Variants in PKP4 observed in about 807,000 individuals in gnomAD.
The protein encoded by PKP4 is plakophilin 4, also known as plakophilin-4.
PKP4 carries 90 observed loss-of-function variants against 145.1 expected under a neutral mutation model. The observed-to-expected ratio is 0.62, with a 90% CI of 0.52 to 0.74. PKP4 has a LOEUF of 0.74. Ranked by LOEUF, PKP4 falls within the 30% of genes least tolerant of loss-of-function variation. The pLI, the probability that PKP4 is intolerant of heterozygous loss-of-function variation, is 0.00. For synonymous variants in PKP4, 563 were observed against 577.2 expected (o/e 0.98, Z 0.35); for missense variants, 1,340 against 1,482.7 (o/e 0.90, Z 1.58).
chr2:158,574,255 T>C (rs1313103424), intron 2 of PKP4, among the ~76,000 whole-genome samples: 1 of 152,198 alleles, frequency 6.6e-6, no homozygotes, highest in Non-Finnish European at 1.5e-5. Context: ...ACTAAATCAC[T>C]GACAAGTGCT....
chr2:158,596,627 T>TA (rs3836166), intron 3 of PKP4, among the ~76,000 whole-genome samples: 69,417 of 145,304 alleles, frequency 0.48, 16,834 homozygotes, highest in South Asian at 0.67. Flanking sequence ...CTTGTCTCTT[T>TA]AAAAAAAAAA....
Position 158,674,106 on chromosome 2 carries a change from CACTA to C in PKP4, c.3127+107_3127+110del. On this transcript the variant is annotated intron_variant, in intron 19 of 21. Transcript: ENST00000389759. ...AGCTGGTTAAGCCTGTCATCTCCAACACTACCCATGCAGCAGAGAACCTTCTGTA... is the reference window on the plus strand; with the variant it reads ...AGCTGGTTAAGCCTGTCATCTCCAACCCCATGCAGCAGAGAACCTTCTGTA... The C allele has an allele frequency of 3.9e-6, 3 of 772,606 alleles. 1 individual carries two copies. In the Middle Eastern group the frequency reaches 6.9e-4, roughly 177 times the overall value. The allele number at this position is 772,606 out of a possible 1,614,324, so 47.9% of individuals were successfully genotyped here. A position where few individuals can be genotyped will look rare whatever the true frequency, so the allele number is the denominator to read the frequency against.
chr2:158,486,457 A>G lies in PKP4; in HGVS notation c.-6+29239A>G, dbSNP rs140233347. Among the ~76,000 whole-genome samples, 735 of 152,310 alleles carry G rather than the reference A, an allele frequency of 4.8e-3. 1 individual carries two copies. Among genetic ancestry groups the G allele is most frequent in the African/African-American group, 0.016 (671 of 41,576 alleles). ...AACTGAGTTTTTGGTAAAACTGAGT[A>G]TTTAAAGGACGAAACTTTGAAGGAC... is the stretch of plus-strand genomic sequence containing the variant. On this transcript the variant is annotated intron_variant, in intron 1 of 21. Transcript: ENST00000389759.
At chr2:158,642,267 G>A (rs193107671) in intron 10 of PKP4, among the ~76,000 whole-genome samples, 13 of 152,218 alleles carry the variant, frequency 8.5e-5, no homozygotes, top group East Asian at 5.8e-4. Flanking sequence ...CAAGTGATCC[G>A]CCCATCTTGG....
At chr2:158,516,875 C>A (rs542949259) in intron 1 of PKP4, among the ~76,000 whole-genome samples, 3 of 152,106 alleles carry the variant, frequency 2.0e-5, no homozygotes, top group East Asian at 3.9e-4. Flanking sequence ...GTTGGCCAGG[C>A]TGGTCTCGAA....
At chr2:158,473,745 C>T (rs961764744) in intron 1 of PKP4, among the ~76,000 whole-genome samples, 4 of 152,252 alleles carry the variant, frequency 2.6e-5, no homozygotes, top group South Asian at 2.1e-4. Flanking sequence ...GTACAACATA[C>T]CCCAGCGATA....
Position 158,472,366 on chromosome 2 carries a change from T to C in PKP4, c.-6+15148T>C, listed in dbSNP as rs936143210. Among the ~76,000 whole-genome samples, 6 of 152,068 alleles carry C rather than the reference T, an allele frequency of 3.9e-5. No homozygotes were observed. The East Asian group carries it at 1.2e-3, about 29-fold the overall frequency. ...GGCTCACGCCTGTAATCCCAACACTTTGGGAGGCCGAGGCGGGCAGATCAT... is the reference window on the plus strand; with the variant it reads ...GGCTCACGCCTGTAATCCCAACACTCTGGGAGGCCGAGGCGGGCAGATCAT... On this transcript the variant is annotated intron_variant, in intron 1 of 21. Transcript: ENST00000389759.
chr2:158,674,167 ACTTT>A (rs1232494855), intron 19 of PKP4, among the ~76,000 whole-genome samples, 167 bp downstream of exon 19: 3 of 152,186 alleles, frequency 2.0e-5, no homozygotes, highest in Non-Finnish European at 4.4e-5. Context: ...CCACAAGCCC[ACTTT>A]CTTCCTTTTT....
In PKP4 at chr2:158,673,947, C is replaced by G; in HGVS notation, c.3074C>G (p.Ser1025Ter). ...ACATTGGAGCGAGACCGATTCAAAT[C>G]ACATCCTTCCTTGTCTACCACCAAC... ...VSTLERDRFKSHPSLSTTNQQ... is the reference protein window; with the variant it reads ...VSTLERDRFK The change falls in exon 19 of 22, where the codon TCA (serine) becomes TGA (stop). Residue 1025 changes from serine (S) to a stop codon, truncating the protein, a stop_gained. Coordinates refer to ENST00000389759, the MANE Select transcript of PKP4 (RefSeq NM_003628.6). LOFTEE classifies it high-confidence loss of function. The G allele has an allele frequency of 1.2e-6, 2 of 1,613,210 alleles. No homozygotes were observed. The highest frequency in any genetic ancestry group is 1.7e-6 in the Non-Finnish European group (2 of 1,179,140).
intron 2 of PKP4, among the ~76,000 whole-genome samples, chr2:158,573,919 C>T (rs1179795754): frequency 6.6e-6 from 1 of 152,230 alleles, no homozygotes; most frequent in East Asian, 1.9e-4. Context: ...GGACTGTCTG[C>T]AGCCGAGACA....
At chr2:158,494,256 T>A (rs1419340710) in intron 1 of PKP4, among the ~76,000 whole-genome samples, 1 of 151,988 alleles carries the variant, frequency 6.6e-6, no homozygotes, top group East Asian at 1.9e-4. Flanking sequence ...TTTTTTTTTT[T>A]ACTTATGGAG....
chr2:158,583,624 AC>A (rs2048528596), intron 3 of PKP4, among the ~76,000 whole-genome samples: 1 of 152,192 alleles, frequency 6.6e-6, no homozygotes, highest in Non-Finnish European at 1.5e-5. Flanking sequence ...TGTGACGACC[AC>A]CACCACTACA....
At chr2:158,457,336 C>G (rs1044600886) in intron 1 of PKP4, 118 bp downstream of exon 1, 1 of 151,894 alleles carries the variant, frequency 6.6e-6, no homozygotes, top group African/African-American at 2.4e-5. Context: ...GCCTCCCTCC[C>G]GCTGCCGCGT....
chr2:158,530,458 G>A (rs1034253074), intron 1 of PKP4, among the ~76,000 whole-genome samples: 3 of 150,568 alleles, frequency 2.0e-5, no homozygotes, highest in Admixed American at 1.3e-4. Context: ...GGAAGCGTGA[G>A]GCCTAATTTC....
chr2:158,613,250 A>G (rs2051299546), intron 4 of PKP4, among the ~76,000 whole-genome samples: 1 of 152,194 alleles, frequency 6.6e-6, no homozygotes. Context: ...TCTAAAACCT[A>G]GTCATTAAAG....
At chr2:158,506,328 T>A (rs967177374) in intron 1 of PKP4, among the ~76,000 whole-genome samples, 1 of 152,214 alleles carries the variant, frequency 6.6e-6, no homozygotes, top group African/African-American at 2.4e-5. Context: ...TTTTTATAAT[T>A]TTTTGTATCA....
At chr2:158,530,504 C>CTTTTTTTTTTTTTTTT (rs869120223) in intron 1 of PKP4, among the ~76,000 whole-genome samples, 2 of 92,148 alleles carry the variant, frequency 2.2e-5, no homozygotes, top group African/African-American at 8.6e-5. Flanking sequence ...CTCTTTCTTT[C>CTTTTTTTTTTTTTTTT]TTTTTTTTTT....
At chr2:158,537,258 A>C in intron 2 of PKP4, among the ~76,000 whole-genome samples, 1 of 152,090 alleles carries the variant, frequency 6.6e-6, no homozygotes, top group East Asian at 1.9e-4. Flanking sequence ...CAATCTTTGC[A>C]TAGTACAAAA....
At chr2:158,575,741 G>C (rs895829423) in intron 2 of PKP4, among the ~76,000 whole-genome samples, 3 of 151,726 alleles carry the variant, frequency 2.0e-5, no homozygotes, top group Non-Finnish European at 4.4e-5. Context: ...TGTGGGAAAA[G>C]ATGCATATAA....
Sources: allele counts gnomAD v4.1 joint callset (sites outside exome capture counted in the v4.1 genomes callset), GRCh38; gene constraint gnomAD v4.1.1; transcripts MANE v1.5; gene names NCBI Gene and HGNC (gene_info 2026-07-23, HGNC 2026-07-21).